UHRF1: variants seen among roughly 807,000 people sequenced by gnomAD.
The protein encoded by UHRF1 is E3 ubiquitin-protein ligase UHRF1.
Under a neutral mutation model 96.5 loss-of-function variants are expected in UHRF1, and 9 were observed. That is an observed-to-expected ratio of 0.09 (90% CI 0.06 to 0.16). The LOEUF (loss-of-function observed/expected upper bound fraction) is 0.16, where lower values mean the gene tolerates loss of function less well. Ranked by LOEUF, UHRF1 falls within the 10% of genes least tolerant of loss-of-function variation. The pLI is 1.00. For synonymous variants in UHRF1, 455 were observed against 469.9 expected (o/e 0.97, Z 0.41); for missense variants, 626 against 1,131.1 (o/e 0.55, Z 6.40).
At chr19:4,924,711 C>G (rs979729416) in intron 2 of UHRF1, among the ~76,000 whole-genome samples, 2 of 152,180 alleles carry the variant, frequency 1.3e-5, no homozygotes, top group Non-Finnish European at 2.9e-5. Context: ...CCACTGTCAG[C>G]CTCCCCCACA....
intron 16 of UHRF1, among the ~76,000 whole-genome samples, 179 bp from the exon 17 acceptor site, chr19:4,960,478 G>C (rs1197899805): frequency 6.6e-6 from 1 of 152,082 alleles, no homozygotes; most frequent in Non-Finnish European, 1.5e-5. Flanking sequence ...GGTGAGCTTG[G>C]AATCTTTGAG....
intron 5 of UHRF1, among the ~76,000 whole-genome samples, chr19:4,937,626 AGT>A (rs2033258144): frequency 1.3e-5 from 2 of 152,052 alleles, no homozygotes; most frequent in South Asian, 4.2e-4. Context: ...GGCCTCCCAA[AGT>A]GTTAGGATTA....
At chr19:4,926,563 C>T (rs1443292653) in intron 2 of UHRF1, among the ~76,000 whole-genome samples, 2 of 151,946 alleles carry the variant, frequency 1.3e-5, no homozygotes, top group South Asian at 2.1e-4. Flanking sequence ...GCTTGAGCCC[C>T]GGAGTTCAAA....
chr19:4,913,588 G>T (rs926439763), intron 2 of UHRF1, among the ~76,000 whole-genome samples: 1 of 151,940 alleles, frequency 6.6e-6, no homozygotes, highest in Non-Finnish European at 1.5e-5. Context: ...CAGGATGTCC[G>T]CAGTGATGAC....
chr19:4,941,580 A>G lies in UHRF1; in HGVS notation c.838A>G (p.Ile280Val). 1 of 1,613,790 alleles carries G rather than the reference A, an allele frequency of 6.2e-7. No individual in the cohort carries two copies. The change falls in exon 6 of 17, where the codon ATT becomes GTT. Residue 280 changes from isoleucine (I) to valine (V), a missense_variant. Around this residue, in one of 11 missense-constraint regions of UHRF1, gnomAD observed 198 missense variants for 235.1 expected, o/e 0.84. Coordinates refer to ENST00000650932, the MANE Select transcript of UHRF1 (RefSeq NM_001048201.3). ...CATCTTCGTGGACGAAGTCTTCAAG[A>G]TTGAGCGGCCGGGTGAAGGGAGCCC... ...RIIFVDEVFK[I>V]ERPGEGSPMV...
intron 2 of UHRF1, among the ~76,000 whole-genome samples, chr19:4,912,215 T>C (rs951927956): frequency 1.3e-5 from 2 of 152,168 alleles, no homozygotes; most frequent in African/African-American, 2.4e-5. Context: ...AAGCCGCGTG[T>C]GTGCAGAGAA....
chr19:4,943,081 T>C (rs980325130), intron 7 of UHRF1, among the ~76,000 whole-genome samples: 4 of 151,514 alleles, frequency 2.6e-5, no homozygotes, highest in Non-Finnish European at 2.9e-5. Context: ...CTACTAAAAA[T>C]ACAAAAAAGT....
intron 16 of UHRF1, 116 bp downstream of exon 16, chr19:4,956,929 C>T (rs2033872046): frequency 1.3e-6 from 1 of 759,954 alleles, no homozygotes; most frequent in Non-Finnish European, 2.3e-6. Context: ...TCCGCTCACT[C>T]TGCAGCTTTT....
At position 4,954,744 on chromosome 19, in the gene UHRF1, C is replaced by A. The variant is rs965597283; in HGVS notation, c.2052C>A (p.Ile684=). The A allele has an allele frequency of 1.2e-6, 2 of 1,613,720 alleles. No individual in the cohort carries two copies. Among genetic ancestry groups the A allele is most frequent in the Non-Finnish European group, 1.7e-6 (2 of 1,179,856 alleles). ...TCACGGCCCAGCAGAGCAGCCTCATCAGAGAGGACAAGAGCAACGCCAAGC... is the reference window on the plus strand; with the variant it reads ...TCACGGCCCAGCAGAGCAGCCTCATAAGAGAGGACAAGAGCAACGCCAAGC... The part of the protein sequence containing the change: ...YSLTAQQSSL[I]REDKSNAKLW... Residue 684 remains isoleucine, a synonymous_variant, in exon 15 of 17, where the codon ATC becomes ATA. Coordinates refer to ENST00000650932, the MANE Select transcript of UHRF1 (RefSeq NM_001048201.3). The surrounding 1 kb of genome is among the most constrained non-coding windows in gnomAD (Gnocchi z 5.9).
intron 2 of UHRF1, among the ~76,000 whole-genome samples, chr19:4,921,821 C>T (rs377195047): frequency 1.3e-5 from 2 of 152,078 alleles, no homozygotes; most frequent in Admixed American, 6.6e-5. Context: ...ACAGGGTTAC[C>T]GTAATGACAT....
intron 2 of UHRF1, among the ~76,000 whole-genome samples, chr19:4,915,427 G>C (rs1412878016): frequency 1.3e-5 from 2 of 152,194 alleles, no homozygotes; most frequent in African/African-American, 2.4e-5. Flanking sequence ...TATAAAAACA[G>C]GTATGGCGGG....
At chr19:4,960,610 C>A (rs1157606433) in intron 16 of UHRF1, 47 bp from the exon 17 acceptor site, 1 of 1,600,094 alleles carries the variant, frequency 6.2e-7, no homozygotes, top group Non-Finnish European at 8.5e-7. Context: ...CAGGAGCAAA[C>A]CTGATGGTGT....
At chr19:4,934,619 GC>G (rs774699337) in intron 5 of UHRF1, among the ~76,000 whole-genome samples, 10 of 152,204 alleles carry the variant, frequency 6.6e-5, no homozygotes, top group Non-Finnish European at 1.3e-4. Flanking sequence ...TCAGGCTGTA[GC>G]CTGGTCGGAA....
At position 4,941,797 on chromosome 19, in the gene UHRF1, C is replaced by T. The variant is rs759267995; in HGVS notation, c.939C>T (p.Cys313=). The stretch of plus-strand genomic sequence containing the variant: ...GCAAGGACGACGTGAACAGACTCTG[C>T]CGGGTCTGCGCCTGCCACCTGTGCG... ...KHCKDDVNRL[C]RVCACHLCGG... is the part of the protein sequence containing the mutation. Residue 313 remains cysteine (C), a synonymous_variant, in exon 7 of 17, where the codon TGC becomes TGT. Transcript: ENST00000650932. The T allele has an allele frequency of 7.0e-6, 11 of 1,576,636 alleles. No individual in the cohort carries two copies. The East Asian group carries it at 2.3e-4, about 33-fold the overall frequency.
chr19:4,944,168 G>T lies in UHRF1; in HGVS notation c.1110G>T (p.Val370=). 1.2e-6 allele frequency: 2 copies of T among 1,612,608 alleles called. No individual in the cohort carries two copies. The highest frequency in any genetic ancestry group is 1.7e-6 in the Non-Finnish European group (2 of 1,179,166). Residue 370 remains valine, a synonymous_variant, in exon 8 of 17, where the codon GTG becomes GTT. Transcript: ENST00000650932. The stretch of plus-strand genomic sequence containing the variant: ...AGTGCCGGAATGATGCCAGCGAGGT[G>T]GTACTGGCGGGAGAGCGGCTGAGAG... The part of the protein sequence containing the change: ...CPECRNDASE[V]VLAGERLRES...
chr19:4,938,730 GTTTTTTTTTT>G (rs71170880), intron 5 of UHRF1, among the ~76,000 whole-genome samples: 18 of 61,588 alleles, frequency 2.9e-4, no homozygotes, highest in South Asian at 6.9e-4. Flanking sequence ...TTTTGGTCAG[GTTTTTTTTTT>G]TTTTTTTTTT....
chr19:4,911,780 C>A (rs1179892761), intron 2 of UHRF1, among the ~76,000 whole-genome samples: 1 of 152,094 alleles, frequency 6.6e-6, no homozygotes, highest in Non-Finnish European at 1.5e-5. Context: ...GACTGTGGGA[C>A]CTACTGGGAG....
chr19:4,916,582 G>A (rs996636036), intron 2 of UHRF1, among the ~76,000 whole-genome samples: 4 of 152,138 alleles, frequency 2.6e-5, no homozygotes, highest in African/African-American at 4.8e-5. Context: ...GCAGAGTTCC[G>A]CTGTCACTAG....
intron 10 of UHRF1, among the ~76,000 whole-genome samples, chr19:4,946,503 C>T (rs2033569342): frequency 6.6e-6 from 1 of 152,206 alleles, no homozygotes; most frequent in East Asian, 1.9e-4. Context: ...TATCTCCAGC[C>T]CCCGTTTTCC....
Sources: allele counts gnomAD v4.1 joint callset (sites outside exome capture counted in the v4.1 genomes callset), GRCh38; gene constraint gnomAD v4.1.1; regional missense constraint gnomAD v4.1.1; non-coding constraint Gnocchi (gnomAD v3.1); transcripts MANE v1.5; gene names NCBI Gene and HGNC (gene_info 2026-07-23, HGNC 2026-07-21).